The following TMEM108 variants were observed in gnomAD, a reference collection of about 807,000 sequenced individuals.
TMEM108 encodes the protein transmembrane protein 108, also known as cancer/testis antigen 124.
In TMEM108, 12 loss-of-function variants were observed where a neutral mutation model predicts 35.1. The ratio of observed to expected loss-of-function variants is 0.34; its 90% CI spans 0.22 to 0.55. The LOEUF (loss-of-function observed/expected upper bound fraction) is 0.55, where lower values mean the gene tolerates loss of function less well. TMEM108 is among the 20% of genes least tolerant of loss of function. The pLI is 0.89. For missense variants in TMEM108, 680 were observed against 753.3 expected, an observed-to-expected ratio of 0.90 and a Z score of 1.14; for synonymous variants, 287 against 308.6, an observed-to-expected ratio of 0.93 and a Z score of 0.73.
chr3:133,379,740 C>T lies in TMEM108; in HGVS notation c.41-12C>T. On this transcript the variant is annotated splice_polypyrimidine_tract_variant and intron_variant, in intron 3 of 5. Coordinates refer to ENST00000321871, the MANE Select transcript of TMEM108 (RefSeq NM_023943.4). Reference sequence around the variant, plus strand: ...CAAGTATTTTACCTCTTCTCTCTGTCTCCTTTTCAAGGTTTCCTGCTGATC... The same window carrying T: ...CAAGTATTTTACCTCTTCTCTCTGTTTCCTTTTCAAGGTTTCCTGCTGATC... 1 of 1,610,092 alleles carries T rather than the reference C, an allele frequency of 6.2e-7. No homozygotes were observed. The highest frequency in any genetic ancestry group is 8.5e-7 in the Non-Finnish European group (1 of 1,177,722).
At chr3:133,338,926 A>T (rs960605198) in intron 3 of TMEM108, among the ~76,000 whole-genome samples, 3 of 151,984 alleles carry the variant, frequency 2.0e-5, no homozygotes, top group Admixed American at 6.6e-5. Context: ...TGCAAGCCTC[A>T]TGGTAGCCTC....
At chr3:133,042,352 T>C (rs1943285792) in intron 1 of TMEM108, among the ~76,000 whole-genome samples, 1 of 152,196 alleles carries the variant, frequency 6.6e-6, no homozygotes, top group Admixed American at 6.5e-5. Context: ...CTACCAATGC[T>C]AAATACTAAA....
At chr3:133,358,977 GC>G (rs1220514022) in intron 3 of TMEM108, among the ~76,000 whole-genome samples, 1 of 152,130 alleles carries the variant, frequency 6.6e-6, no homozygotes, top group Non-Finnish European at 1.5e-5. Flanking sequence ...GCAAACTACA[GC>G]CTGCCATCTC....
chr3:133,125,999 C>G (rs1027134355), intron 2 of TMEM108, among the ~76,000 whole-genome samples: 2 of 152,174 alleles, frequency 1.3e-5, no homozygotes, highest in African/African-American at 4.8e-5. Flanking sequence ...TGCTGGCTGA[C>G]TGACATCAAT....
intron 3 of TMEM108, chr3:133,247,642 AAAAAAAAAAT>A (rs1298794836): frequency 3.2e-4 from 1 of 3,124 alleles, no homozygotes; most frequent in Non-Finnish European, 1.1e-3. Flanking sequence ...TAATAATCCT[AAAAAAAAAAT>A]AAAAAATAAA....
At chr3:133,265,689 A>T (rs1337981466) in intron 3 of TMEM108, among the ~76,000 whole-genome samples, 1 of 152,182 alleles carries the variant, frequency 6.6e-6, no homozygotes, top group Non-Finnish European at 1.5e-5. Context: ...CCTGAATGAG[A>T]TCATTGAAAA....
At chr3:133,347,522 G>T (rs1041172588) in intron 3 of TMEM108, among the ~76,000 whole-genome samples, 2 of 151,834 alleles carry the variant, frequency 1.3e-5, no homozygotes, top group African/African-American at 2.4e-5. Context: ...AGTATTTTTT[G>T]TTGTTGTTGT....
At chr3:133,392,140 CT>C (rs548497085) in intron 5 of TMEM108, among the ~76,000 whole-genome samples, 3,285 of 140,450 alleles carry the variant, frequency 0.023, 86 homozygotes, top group African/African-American at 0.067. Context: ...CACTTCTCTT[CT>C]TTTTTTTTTT....
At chr3:133,139,567 G>C (rs1944614070) in intron 2 of TMEM108, among the ~76,000 whole-genome samples, 1 of 152,332 alleles carries the variant, frequency 6.6e-6, no homozygotes, top group Admixed American at 6.5e-5. Flanking sequence ...GGGAAAATCA[G>C]CAAAGGATAG....
chr3:133,335,696 A>C (rs976327778), intron 3 of TMEM108, among the ~76,000 whole-genome samples: 6 of 152,162 alleles, frequency 3.9e-5, no homozygotes, highest in African/African-American at 1.4e-4. Context: ...CGGGAACACC[A>C]AATTTAATAA....
At chr3:133,353,977 C>T (rs2072085373) in intron 3 of TMEM108, among the ~76,000 whole-genome samples, 1 of 152,172 alleles carries the variant, frequency 6.6e-6, no homozygotes, top group Admixed American at 6.5e-5. Context: ...TTGCTTGTGT[C>T]CTTTAAGCTT....
intron 2 of TMEM108, among the ~76,000 whole-genome samples, chr3:133,080,165 C>G (rs1438419804): frequency 2.0e-5 from 3 of 152,096 alleles, no homozygotes. Flanking sequence ...GATGGGGGAC[C>G]GTTCAACTGC....
At chr3:133,336,857 A>G (rs1053251867) in intron 3 of TMEM108, among the ~76,000 whole-genome samples, 1 of 152,024 alleles carries the variant, frequency 6.6e-6, no homozygotes, top group Non-Finnish European at 1.5e-5. Context: ...AGCATTCACA[A>G]CAAGCCAACT....
At chr3:133,372,480 T>G (rs145767222) in intron 3 of TMEM108, among the ~76,000 whole-genome samples, 1 of 152,336 alleles carries the variant, frequency 6.6e-6, no homozygotes, top group Admixed American at 6.5e-5. Flanking sequence ...TTTGTTCATA[T>G]GTTTTTTAGG....
rs145389417 is a variant in TMEM108 at position 133,299,262 on chromosome 3, G to A, written c.40+69911G>A. 1.6e-3 allele frequency among the ~76,000 whole-genome samples: 240 copies of A among 152,270 alleles called. 2 individuals are homozygous for A. In the Middle Eastern group the frequency reaches 0.038, roughly 24 times the overall value. ...AAAACTGTTTTTATTTATTTCAGTAGGGAAATAAAAACAGAATAGCTCTTT... is the reference window on the plus strand; with the variant it reads ...AAAACTGTTTTTATTTATTTCAGTAAGGAAATAAAAACAGAATAGCTCTTT... On this transcript the variant is annotated intron_variant, in intron 3 of 5. Transcript: ENST00000321871.
chr3:133,050,236 G>A (rs1245821724), intron 2 of TMEM108, among the ~76,000 whole-genome samples: 1 of 152,132 alleles, frequency 6.6e-6, no homozygotes, highest in Non-Finnish European at 1.5e-5. Context: ...ACCTGGACTT[G>A]ATCCCTGAAT....
At chr3:133,071,766 A>G (rs969569537) in intron 2 of TMEM108, among the ~76,000 whole-genome samples, 1 of 152,000 alleles carries the variant, frequency 6.6e-6, no homozygotes, top group African/African-American at 2.4e-5. Context: ...ATTTTCAAAT[A>G]TTTTATCTCA....
intron 2 of TMEM108, among the ~76,000 whole-genome samples, chr3:133,179,605 A>G (rs971845274): frequency 1.3e-5 from 2 of 151,456 alleles, no homozygotes; most frequent in African/African-American, 4.8e-5. Context: ...GAATTGAACA[A>G]TGAGAACACA....
chr3:133,325,788 T>G (rs1280406055), intron 3 of TMEM108, among the ~76,000 whole-genome samples: 1 of 151,312 alleles, frequency 6.6e-6, no homozygotes, highest in East Asian at 1.9e-4. Flanking sequence ...TGTGTATATA[T>G]ATGTAAAATC....
Sources: gnomAD v4.1 joint callset for allele counts (sites outside exome capture counted in the v4.1 genomes callset) on GRCh38, gnomAD v4.1.1 for gene constraint, MANE v1.5 for transcripts, NCBI Gene and HGNC (gene_info 2026-07-23, HGNC 2026-07-21) for gene names.